Variants in LTBP1 observed in about 807,000 individuals in gnomAD.
LTBP1 encodes latent-transforming growth factor beta-binding protein 1.
In LTBP1, 129 loss-of-function variants were observed where a neutral mutation model predicts 207.6. The observed-to-expected ratio is 0.62, with a 90% CI of 0.54 to 0.72. The LOEUF (loss-of-function observed/expected upper bound fraction) is 0.72, where lower values mean the gene tolerates loss of function less well. Ranked by LOEUF, LTBP1 falls within the 30% of genes least tolerant of loss-of-function variation. LTBP1 has a pLI of 0.00. For missense variants in LTBP1, 2,281 were observed against 2,217.2 expected, an observed-to-expected ratio of 1.03 and a Z score of -0.58; for synonymous variants, 963 against 833.7, an observed-to-expected ratio of 1.16 and a Z score of -2.67.
At chr2:33,200,658 G>A (rs1424625087) in intron 7 of LTBP1, among the ~76,000 whole-genome samples, 1 of 152,122 alleles carries the variant, frequency 6.6e-6, no homozygotes, top group African/African-American at 2.4e-5. Context: ...CTTCTGCACA[G>A]CAAAAGAAGC....
chr2:33,284,512 C>G (rs972184299), intron 19 of LTBP1, among the ~76,000 whole-genome samples: 1 of 152,292 alleles, frequency 6.6e-6, no homozygotes, highest in Admixed American at 6.5e-5. Context: ...CCTGGAGTTG[C>G]TGCCCACTCG....
chr2:33,204,474 A>G (rs924185390), intron 7 of LTBP1, among the ~76,000 whole-genome samples: 1 of 152,240 alleles, frequency 6.6e-6, no homozygotes, highest in Non-Finnish European at 1.5e-5. Context: ...TGCCTCCAAG[A>G]TGATCACTTT....
chr2:33,380,612 C>A (rs2095201745), intron 31 of LTBP1, among the ~76,000 whole-genome samples: 1 of 152,038 alleles, frequency 6.6e-6, no homozygotes, highest in Admixed American at 6.6e-5. Context: ...ATAGAATATG[C>A]AAGCTAGAAA....
chr2:33,175,567 T>G (rs1221244386), intron 5 of LTBP1, among the ~76,000 whole-genome samples: 1 of 152,200 alleles, frequency 6.6e-6, no homozygotes, highest in African/African-American at 2.4e-5. Context: ...GACTGTAAAC[T>G]AGTTCAACCA....
In LTBP1 at chr2:33,287,863, T is replaced by C. The variant is rs114661843; in HGVS notation, c.3113-5297T>C. 8.0e-3 allele frequency among the ~76,000 whole-genome samples: 1,216 copies of C among 152,310 alleles called. 6 individuals carry two copies. Among genetic ancestry groups the C allele is most frequent in the Non-Finnish European group, 0.013 (913 of 68,026 alleles). ...TACTATACCTCAAATGCAGTTGAGG[T>C]GGTTTCATCACACTGGCTGGACCAA... On this transcript the variant is annotated intron_variant, in intron 19 of 33. Transcript: ENST00000404816.
intron 13 of LTBP1, among the ~76,000 whole-genome samples, chr2:33,262,366 T>C (rs1401798250): frequency 2.6e-5 from 4 of 152,180 alleles, no homozygotes; most frequent in Admixed American, 6.5e-5. Context: ...GAGGCAATAG[T>C]CCTCGTTGGG....
Position 33,280,020 on chromosome 2 carries a change from T to G in LTBP1, c.2993-19T>G, listed in dbSNP as rs2093526870. The stretch of plus-strand genomic sequence containing the variant: ...GTATTCTGATAAAATGTTCACGACC[T>G]AGGTTTTTGATTTTTCAGATATTGA... On this transcript the variant is annotated intron_variant, in intron 18 of 33. Coordinates refer to ENST00000404816, the MANE Select transcript of LTBP1 (RefSeq NM_206943.4). The G allele has an allele frequency of 1.2e-6, 2 of 1,612,864 alleles. No homozygotes were observed. The highest frequency in any genetic ancestry group is 1.7e-6 in the Non-Finnish European group (2 of 1,179,678).
chr2:33,300,976 G>A (rs776522410), intron 21 of LTBP1, among the ~76,000 whole-genome samples: 4 of 151,928 alleles, frequency 2.6e-5, no homozygotes, highest in Non-Finnish European at 4.4e-5. Flanking sequence ...TGTATTTAAC[G>A]TTGAAAAATT....
chr2:33,102,455 G>A (rs2079793183), intron 3 of LTBP1, among the ~76,000 whole-genome samples: 1 of 152,100 alleles, frequency 6.6e-6, no homozygotes, highest in South Asian at 2.1e-4. Context: ...AGGAAGATTT[G>A]GAATTACTTG....
chr2:33,149,635 A>G (rs75881522), intron 5 of LTBP1, among the ~76,000 whole-genome samples: 2,265 of 152,262 alleles, frequency 0.015, 23 homozygotes, highest in East Asian at 0.027. Flanking sequence ...AGAGGGTGCA[A>G]GGATTGAGAT....
chr2:33,341,202 T>C (rs1450878225), intron 24 of LTBP1, among the ~76,000 whole-genome samples: 1 of 151,968 alleles, frequency 6.6e-6, no homozygotes, highest in Non-Finnish European at 1.5e-5. Context: ...TGGGCGATGA[T>C]ATGATCAGGT....
intron 3 of LTBP1, among the ~76,000 whole-genome samples, chr2:33,057,496 G>A (rs1436789901): frequency 6.6e-6 from 1 of 152,200 alleles, no homozygotes; most frequent in Admixed American, 6.5e-5. Context: ...CATCGGGGAG[G>A]CTCAGGCCGC....
chr2:33,212,879 T>C (rs1246163819), intron 7 of LTBP1, among the ~76,000 whole-genome samples: 1 of 152,200 alleles, frequency 6.6e-6, no homozygotes, highest in Non-Finnish European at 1.5e-5. Context: ...TTTTCAAATA[T>C]TCTAAAATCT....
intron 24 of LTBP1, among the ~76,000 whole-genome samples, chr2:33,341,985 G>C (rs1303544619): frequency 6.6e-6 from 1 of 151,920 alleles, no homozygotes; most frequent in Non-Finnish European, 1.5e-5. Flanking sequence ...TAAATCCAGG[G>C]GCAGAGAGAG....
chr2:33,313,540 T>C (rs1257603858), intron 23 of LTBP1, among the ~76,000 whole-genome samples: 2 of 152,148 alleles, frequency 1.3e-5, no homozygotes, highest in Non-Finnish European at 2.9e-5. Context: ...CTTTGCAGTA[T>C]TCATGTGGGT....
intron 3 of LTBP1, among the ~76,000 whole-genome samples, chr2:33,102,140 A>C (rs780111810): frequency 6.6e-6 from 1 of 152,220 alleles, no homozygotes; most frequent in South Asian, 2.1e-4. Flanking sequence ...GCCTGGCCTC[A>C]TCATCTCTGT....
chr2:33,306,675 C>T (rs1002953866), intron 22 of LTBP1, among the ~76,000 whole-genome samples: 7 of 151,980 alleles, frequency 4.6e-5, no homozygotes, highest in Admixed American at 3.3e-4. Flanking sequence ...TTCATATTCC[C>T]AGGATTCTCT....
intron 2 of LTBP1, among the ~76,000 whole-genome samples, chr2:32,985,884 C>A (rs1683482264): frequency 6.6e-6 from 1 of 152,026 alleles, no homozygotes; most frequent in Non-Finnish European, 1.5e-5. Flanking sequence ...TCCTTCACCC[C>A]TTCTGTATCT....
intron 3 of LTBP1, among the ~76,000 whole-genome samples, chr2:33,084,993 A>G (rs1240510782): frequency 6.6e-6 from 1 of 152,222 alleles, no homozygotes; most frequent in Non-Finnish European, 1.5e-5. Flanking sequence ...AAGGATCTAG[A>G]GATGAGATCA....
Sources: gnomAD v4.1 joint callset for allele counts (sites outside exome capture counted in the v4.1 genomes callset) on GRCh38, gnomAD v4.1.1 for gene constraint, MANE v1.5 for transcripts, NCBI Gene and HGNC (gene_info 2026-07-23, HGNC 2026-07-21) for gene names.